The following AKAP12 variants were observed in gnomAD, a reference collection of about 807,000 sequenced individuals.
AKAP12 encodes the protein A-kinase anchor protein 12.
A neutral mutation model predicts 79.9 loss-of-function variants in AKAP12; 32 were observed. The ratio of observed to expected loss-of-function variants is 0.40; its 90% CI spans 0.30 to 0.54. The LOEUF is 0.54. Among genes scored for constraint, AKAP12 ranks in the 20% least tolerant of loss-of-function variants. The pLI, the probability that AKAP12 is intolerant of heterozygous loss-of-function variation, is 0.48. For missense variants in AKAP12, 2,074 were observed against 2,177.0 expected (o/e 0.95, Z 0.94); for synonymous variants, 808 against 857.0 (o/e 0.94, Z 1.00).
At chr6:151,314,655 C>G (rs188516240) in intron 3 of AKAP12, among the ~76,000 whole-genome samples, 5 of 152,100 alleles carry the variant, frequency 3.3e-5, no homozygotes, top group African/African-American at 1.2e-4. Flanking sequence ...CTCTATAGTT[C>G]GGAGGCCACT....
intron 3 of AKAP12, among the ~76,000 whole-genome samples, chr6:151,343,106 C>T (rs184179629): frequency 6.6e-6 from 1 of 152,254 alleles, no homozygotes. Context: ...GTTCACGAAC[C>T]TTTATCTCCC....
Position 151,353,675 on chromosome 6 carries a change from C to G in AKAP12, c.5284C>G (p.Gln1762Glu). The change falls in exon 4 of 5, where the codon CAA becomes GAA. Residue 1762 changes from glutamine to glutamate, a missense_variant. Around this residue, in one of 3 missense-constraint regions of AKAP12, gnomAD observed 614 missense variants for 665.6 expected, o/e 0.92. Transcript: ENST00000402676. ...HSESDKAITPQAQEELQKQER... is the reference protein window; with the variant it reads ...HSESDKAITPEAQEELQKQER... ...TGAATCAGATAAAGCGATCACACCCCAAGCACAGGAGGAGTTACAGAAACA... is the reference window on the plus strand; with the variant it reads ...TGAATCAGATAAAGCGATCACACCCGAAGCACAGGAGGAGTTACAGAAACA... 1 of 1,613,440 alleles carries G rather than the reference C, an allele frequency of 6.2e-7. No individual in the cohort carries two copies. The highest frequency in any genetic ancestry group is 8.5e-7 in the Non-Finnish European group (1 of 1,179,804).
In AKAP12 at chr6:151,349,747, A is replaced by G. The variant is rs1247581088; in HGVS notation, c.1356A>G (p.Ala452=). The G allele has an allele frequency of 3.7e-6, 6 of 1,614,024 alleles. No homozygotes were observed. The highest frequency in any genetic ancestry group is 5.1e-6 in the Non-Finnish European group (6 of 1,180,042). Reference sequence around the variant, plus strand: ...CTGAAGAATTGGTTGAAATGGATGCAGAACCTCAGGAAGCTGAACCTGCCA... The same window carrying G: ...CTGAAGAATTGGTTGAAATGGATGCGGAACCTCAGGAAGCTGAACCTGCCA... ...VPAEELVEMD[A]EPQEAEPAKE... is the part of the protein sequence containing the mutation. Residue 452 remains alanine, a synonymous_variant, in exon 4 of 5, where the codon GCA becomes GCG. Coordinates refer to ENST00000402676, the MANE Select transcript of AKAP12 (RefSeq NM_005100.4).
At chr6:151,280,917 C>G (rs1014259597) in intron 2 of AKAP12, among the ~76,000 whole-genome samples, 1 of 152,148 alleles carries the variant, frequency 6.6e-6, no homozygotes, top group Non-Finnish European at 1.5e-5. Context: ...TTGCAGTTAG[C>G]TTGAAACACT....
intron 3 of AKAP12, among the ~76,000 whole-genome samples, chr6:151,327,097 G>A (rs1219343336): frequency 6.7e-6 from 1 of 150,008 alleles, no homozygotes; most frequent in Non-Finnish European, 1.5e-5. Context: ...TTATAGACGT[G>A]AGCCACCGCA....
At chr6:151,309,075 A>G (rs1220775543) in intron 3 of AKAP12, among the ~76,000 whole-genome samples, 1 of 152,114 alleles carries the variant, frequency 6.6e-6, no homozygotes, top group East Asian at 1.9e-4. Flanking sequence ...GGGTTTCACC[A>G]TGCTGGCCAG....
chr6:151,310,521 C>T (rs1277381735), intron 3 of AKAP12, among the ~76,000 whole-genome samples: 1 of 152,024 alleles, frequency 6.6e-6, no homozygotes, highest in Non-Finnish European at 1.5e-5. Context: ...AGGCTGGGGT[C>T]CAGGATTTTG....
intron 2 of AKAP12, among the ~76,000 whole-genome samples, chr6:151,278,284 C>T (rs572214040): frequency 9.9e-5 from 15 of 152,256 alleles, no homozygotes; most frequent in South Asian, 2.1e-4. Flanking sequence ...GGTGCGATCT[C>T]GGCTCACTGC....
chr6:151,335,431 T>C (rs1274823275), intron 3 of AKAP12, among the ~76,000 whole-genome samples: 1 of 152,130 alleles, frequency 6.6e-6, no homozygotes, highest in Non-Finnish European at 1.5e-5. Context: ...ATGTTATAGG[T>C]GAGGACACTA....
intron 2 of AKAP12, among the ~76,000 whole-genome samples, chr6:151,273,643 A>C (rs1395261980): frequency 6.6e-6 from 1 of 152,230 alleles, no homozygotes; most frequent in Non-Finnish European, 1.5e-5. Context: ...AAACTTAAGG[A>C]AAGAGACCTC....
intron 3 of AKAP12, among the ~76,000 whole-genome samples, chr6:151,316,693 C>T (rs540489135): frequency 2.6e-4 from 39 of 152,308 alleles, no homozygotes; most frequent in East Asian, 5.8e-4. Context: ...TGCAGTGGCG[C>T]GATCTCGGCT....
rs1316172295 is a variant in AKAP12 at position 151,350,188 on chromosome 6, T to C, written c.1797T>C (p.Asp599=). ...AAGCTGAAGAAGGAGCTACTTCCGA[T>C]GGAGAGAAAAAAAGAGAAGGTGTCA... ...DGEAEEGATS[D]GEKKREGVTP... is the part of the protein sequence containing the mutation. The change falls in exon 4 of 5, where the codon GAT becomes GAC. Residue 599 remains aspartate, a synonymous_variant. Coordinates refer to ENST00000402676, the MANE Select transcript of AKAP12 (RefSeq NM_005100.4). This position sits in a 1 kb window ranked among gnomAD's most constrained non-coding sequence, Gnocchi z 4.8. 13 of 1,612,796 alleles carry C rather than the reference T, an allele frequency of 8.1e-6. 1 individual carries two copies. In the South Asian group the frequency reaches 1.2e-4, roughly 15 times the overall value.
At chr6:151,344,517 T>TTTG (rs34753223) in intron 3 of AKAP12, among the ~76,000 whole-genome samples, 9 of 151,802 alleles carry the variant, frequency 5.9e-5, no homozygotes, top group South Asian at 2.1e-4. Context: ...CTCAGGCAGT[T>TTTG]TTGTTGTTGT....
chr6:151,313,316 T>C (rs886152232), intron 3 of AKAP12, among the ~76,000 whole-genome samples: 9 of 152,212 alleles, frequency 5.9e-5, no homozygotes, highest in African/African-American at 2.2e-4. Flanking sequence ...TGCACACACT[T>C]TGGTATTTCA....
At chr6:151,330,767 T>C (rs1286592545) in intron 3 of AKAP12, among the ~76,000 whole-genome samples, 1 of 152,038 alleles carries the variant, frequency 6.6e-6, no homozygotes, top group African/African-American at 2.4e-5. Flanking sequence ...AAGAAAACAA[T>C]TTATAATTTA....
intron 2 of AKAP12, among the ~76,000 whole-genome samples, chr6:151,247,425 A>G (rs1797096451): frequency 6.6e-6 from 1 of 152,064 alleles, no homozygotes; most frequent in East Asian, 1.9e-4. Context: ...AAACAAAACA[A>G]AAAAACAAAA....
chr6:151,268,750 C>G (rs9397041), intron 2 of AKAP12, among the ~76,000 whole-genome samples: 1 of 152,078 alleles, frequency 6.6e-6, no homozygotes, highest in Non-Finnish European at 1.5e-5. Flanking sequence ...TCAAGTGATT[C>G]TCCTGCCTCA....
intron 3 of AKAP12, among the ~76,000 whole-genome samples, chr6:151,331,079 A>G (rs1777654166): frequency 6.6e-6 from 1 of 152,258 alleles, no homozygotes. Flanking sequence ...GGTTAATAGC[A>G]GGTAACAACA....
At chr6:151,275,910 A>C (rs1243366742) in intron 2 of AKAP12, among the ~76,000 whole-genome samples, 1 of 152,232 alleles carries the variant, frequency 6.6e-6, no homozygotes, top group Non-Finnish European at 1.5e-5. Context: ...TGATCTGGAA[A>C]GTTGTTCTTA....
Sources: allele counts gnomAD v4.1 joint callset (sites outside exome capture counted in the v4.1 genomes callset), GRCh38; gene constraint gnomAD v4.1.1; regional missense constraint gnomAD v4.1.1; non-coding constraint Gnocchi (gnomAD v3.1); transcripts MANE v1.5; gene names NCBI Gene and HGNC (gene_info 2026-07-23, HGNC 2026-07-21).